The following ANXA5 variants were observed in gnomAD, a reference collection of about 807,000 sequenced individuals.
The protein encoded by ANXA5 is annexin A5, also known as CBP-I.
Under a neutral mutation model 48.1 loss-of-function variants are expected in ANXA5, and 40 were observed. The ratio of observed to expected loss-of-function variants is 0.83; its 90% CI spans 0.65 to 1.08. The LOEUF (loss-of-function observed/expected upper bound fraction) is 1.08. Among genes scored for constraint, ANXA5 ranks in the 50% least tolerant of loss-of-function variants. The pLI, the probability that ANXA5 is intolerant of heterozygous loss-of-function variation, is 0.00. For missense variants in ANXA5, 357 were observed against 376.8 expected, an observed-to-expected ratio of 0.95 and a Z score of 0.44; for synonymous variants, 113 against 129.1, an observed-to-expected ratio of 0.88 and a Z score of 0.85.
rs554177701 is a variant in ANXA5, at chr4:121,686,146, T to C, written c.94+142A>G. The stretch of plus-strand genomic sequence containing the variant: ...CCAAAAGACTGGACACTCTGGTTTA[T>C]AGTATTATTTTGTTATCTTAACATA... On this transcript the variant is annotated intron_variant, in intron 3 of 12. Transcript: ENST00000296511. 3.4e-4 allele frequency: 223 copies of C among 652,416 alleles called. 4 individuals carry two copies. In the South Asian group the frequency reaches 4.3e-3, roughly 13 times the overall value. The allele number at this position is 652,416 out of a possible 1,614,324, so 40.4% of individuals were successfully genotyped here.
chr4:121,694,238 T>TA (rs1220868290), intron 2 of ANXA5, among the ~76,000 whole-genome samples: 1 of 148,826 alleles, frequency 6.7e-6, no homozygotes, highest in Non-Finnish European at 1.5e-5. Flanking sequence ...CCCTAGAACT[T>TA]AAAGTATAAT....
At chr4:121,671,979 A>G (rs1226817933) in intron 9 of ANXA5, among the ~76,000 whole-genome samples, 1 of 152,190 alleles carries the variant, frequency 6.6e-6, no homozygotes, top group Admixed American at 6.5e-5. Flanking sequence ...GAAATGGTTA[A>G]GTTTGGAGCT....
chr4:121,669,652 T>A lies in ANXA5; in HGVS notation c.853A>T (p.Arg285Trp), dbSNP rs758306211. 2 of 1,613,146 alleles carry A rather than the reference T, an allele frequency of 1.2e-6. No individual in the cohort carries two copies. Among genetic ancestry groups the A allele is most frequent in the Non-Finnish European group, 1.7e-6 (2 of 1,179,698 alleles). ...SRSEIDLFNI[R>W]KEFRKNFATS... is the part of the protein sequence containing the mutation. ...GCAAAATTCTTCCTAAACTCCTTCC[T>A]GATGTTAAACAGATCAATCTCACTC... The change falls in exon 12 of 13, where the codon AGG becomes TGG. Residue 285 changes from arginine to tryptophan, a missense_variant. Transcript: ENST00000296511.
At chr4:121,679,792 CATG>C (rs1027057466) in intron 6 of ANXA5, among the ~76,000 whole-genome samples, 1 of 152,064 alleles carries the variant, frequency 6.6e-6, no homozygotes, top group African/African-American at 2.4e-5. Context: ...AGGTATACAC[CATG>C]ATGTTTTCAT....
At chr4:121,684,917 C>T in intron 3 of ANXA5, 146 bp from the exon 4 acceptor site, 1 of 606,872 alleles carries the variant, frequency 1.6e-6, no homozygotes. Context: ...CAGTGGCTCA[C>T]ATCTGTAATC....
chr4:121,674,053 T>C (rs1724655297), intron 8 of ANXA5, among the ~76,000 whole-genome samples: 1 of 151,150 alleles, frequency 6.6e-6, no homozygotes, highest in African/African-American at 2.4e-5. Flanking sequence ...CGGTGGCAGA[T>C]GCCTGTAATC....
intron 2 of ANXA5, among the ~76,000 whole-genome samples, chr4:121,689,365 T>C (rs1353878401): frequency 6.6e-6 from 1 of 152,190 alleles, no homozygotes; most frequent in Non-Finnish European, 1.5e-5. Context: ...TTATACTAAC[T>C]ACTAGTTAAA....
In ANXA5 at chr4:121,668,529, T is replaced by G. The variant is rs777566365; in HGVS notation, c.904-2A>C. On this transcript the variant is annotated splice_acceptor_variant, in intron 12 of 12. Transcript: ENST00000296511. LOFTEE classifies it high-confidence loss of function. ...CTTATAGTCCCCAGATGTATCTCCC[T>G]GAAACCAAATGTATTCCATTAACCT... is the stretch of plus-strand genomic sequence containing the variant. The G allele has an allele frequency of 3.7e-6, 6 of 1,612,964 alleles. No individual in the cohort carries two copies. In the South Asian group the frequency reaches 6.6e-5, roughly 18 times the overall value.
intron 2 of ANXA5, among the ~76,000 whole-genome samples, chr4:121,696,237 G>T (rs780463100): frequency 1.3e-5 from 2 of 152,128 alleles, no homozygotes; most frequent in African/African-American, 4.8e-5. Flanking sequence ...TTCTTGCTCC[G>T]GTTCTAATTT....
intron 8 of ANXA5, among the ~76,000 whole-genome samples, chr4:121,674,015 T>C (rs1482124592): frequency 6.6e-6 from 1 of 151,344 alleles, no homozygotes; most frequent in African/African-American, 2.4e-5. Context: ...AACCTGTCTC[T>C]ACTAAAAATA....
intron 2 of ANXA5, among the ~76,000 whole-genome samples, chr4:121,687,625 T>C (rs1304835033): frequency 6.6e-6 from 1 of 152,158 alleles, no homozygotes; most frequent in African/African-American, 2.4e-5. Context: ...AATAACATAA[T>C]ACTAATCAAA....
At chr4:121,678,337 G>T in intron 7 of ANXA5, 78 bp downstream of exon 7, 1 of 1,141,238 alleles carries the variant, frequency 8.8e-7, no homozygotes, top group South Asian at 1.4e-5. Flanking sequence ...AGAATTTTAA[G>T]TGACCTTACT....
At chr4:121,694,593 T>C (rs1279664447) in intron 2 of ANXA5, among the ~76,000 whole-genome samples, 4 of 152,108 alleles carry the variant, frequency 2.6e-5, no homozygotes, top group Admixed American at 2.6e-4. Flanking sequence ...CCATGTTGGT[T>C]AGGCTGGTCT....
chr4:121,668,474 A>G lies in ANXA5; in HGVS notation c.957T>C (p.Asp319=), dbSNP rs764955458. Residue 319 remains aspartate, a synonymous_variant, in exon 13 of 13, where the codon GAT becomes GAC. Transcript: ENST00000296511. Reference sequence around the variant, plus strand: ...AGCTCTTCCCCGTGACACGTTAGTCATCTTCTCCACAGAGCAGCAGAAGAG... The same window carrying G: ...AGCTCTTCCCCGTGACACGTTAGTCGTCTTCTCCACAGAGCAGCAGAAGAG... ...KKALLLLCGE[D]D 9 of 1,613,366 alleles carry G rather than the reference A, an allele frequency of 5.6e-6. No homozygotes were observed. The African/African-American group carries it at 9.3e-5, about 17-fold the overall frequency.
At chr4:121,671,768 T>C in intron 9 of ANXA5, 126 bp from the exon 10 acceptor site, 3 of 676,518 alleles carry the variant, frequency 4.4e-6, no homozygotes, top group South Asian at 1.9e-5. Context: ...TGACAGAACC[T>C]TGTGCTCAAA....
chr4:121,675,465 ATTAT>A (rs1176967553), intron 8 of ANXA5, among the ~76,000 whole-genome samples: 2 of 152,242 alleles, frequency 1.3e-5, no homozygotes, highest in Admixed American at 6.5e-5. Context: ...ATGCCAAAAG[ATTAT>A]TTGTTTTCAA....
At chr4:121,670,984 T>G (rs1484418754) in intron 10 of ANXA5, among the ~76,000 whole-genome samples, 3 of 152,136 alleles carry the variant, frequency 2.0e-5, no homozygotes, top group Admixed American at 1.3e-4. Flanking sequence ...AACTAGATTC[T>G]CCCTAGCTTT....
chr4:121,676,567 G>A (rs1724701391), intron 8 of ANXA5, among the ~76,000 whole-genome samples: 1 of 151,804 alleles, frequency 6.6e-6, no homozygotes, highest in South Asian at 2.1e-4. Flanking sequence ...CCTACTCTAT[G>A]CCAGAAGCTG....
intron 2 of ANXA5, among the ~76,000 whole-genome samples, chr4:121,694,952 T>A (rs1377104740): frequency 1.3e-5 from 2 of 152,198 alleles, no homozygotes; most frequent in East Asian, 1.9e-4. Flanking sequence ...TTATTAAAAT[T>A]AATGTCCACA....
Sources: gnomAD v4.1 joint callset for allele counts (sites outside exome capture counted in the v4.1 genomes callset) on GRCh38, gnomAD v4.1.1 for gene constraint, MANE v1.5 for transcripts, NCBI Gene and HGNC (gene_info 2026-07-23, HGNC 2026-07-21) for gene names.